The following VAMP1 variants were observed in gnomAD, a reference collection of about 807,000 sequenced individuals.
The protein encoded by VAMP1 is vesicle-associated membrane protein 1.
A neutral mutation model predicts 19.1 loss-of-function variants in VAMP1; 16 were observed. The ratio of observed to expected loss-of-function variants is 0.84; its 90% CI spans 0.57 to 1.27. VAMP1 has a LOEUF of 1.27. Among genes scored for constraint, VAMP1 ranks in the 50% most tolerant of loss-of-function variants. VAMP1 has a pLI of 0.00. For missense variants in VAMP1, 109 were observed against 145.4 expected, an observed-to-expected ratio of 0.75 and a Z score of 1.29; for synonymous variants, 37 against 50.2, an observed-to-expected ratio of 0.74 and a Z score of 1.11.
In VAMP1 at chr12:6,462,248, G is replaced by A. The variant is rs1949890407; in HGVS notation, c.*2222C>T. ...AACAACCAAGCCAGTTTAATGGTAG[G>A]AATTTGTATTTTTTGCCTTTGTTCA... is the stretch of plus-strand genomic sequence containing the variant. On this transcript the variant is annotated 3_prime_UTR_variant, in exon 5 of 5. Coordinates refer to ENST00000396308, the MANE Select transcript of VAMP1 (RefSeq NM_014231.5). 9.3e-7 allele frequency: 1 copy of A among 1,079,330 alleles called. No homozygotes were observed. Among genetic ancestry groups the A allele is most frequent in the Non-Finnish European group, 1.3e-6 (1 of 756,574 alleles). The allele number at this position is 1,079,330 out of a possible 1,614,324, so 66.9% of individuals were successfully genotyped here.
Position 6,463,073 on chromosome 12 carries a change from T to G in VAMP1, c.*1397A>C. The G allele has an allele frequency of 6.5e-7, 1 of 1,534,764 alleles. No homozygotes were observed. Among genetic ancestry groups the G allele is most frequent in the Admixed American group, 2.0e-5 (1 of 50,718 alleles). Reference sequence around the variant, plus strand: ...TGCACCTGGGCTTATCCCACATTAATAGCCCATCCTGAAGCTCAGCAATTG... The same window carrying G: ...TGCACCTGGGCTTATCCCACATTAAGAGCCCATCCTGAAGCTCAGCAATTG... On this transcript the variant is annotated 3_prime_UTR_variant, in exon 5 of 5. Coordinates refer to ENST00000396308, the MANE Select transcript of VAMP1 (RefSeq NM_014231.5). The surrounding 1 kb of genome is among the most constrained non-coding windows in gnomAD (Gnocchi z 4.0).
At position 6,463,117 on chromosome 12, in the gene VAMP1, C is replaced by G. The variant is rs1949923947; in HGVS notation, c.*1353G>C. ...GCAATTGCCCCGAAGATAGGCTGAGCAGATCCCATCCTCAGGTTCCACTGT... is the reference window on the plus strand; with the variant it reads ...GCAATTGCCCCGAAGATAGGCTGAGGAGATCCCATCCTCAGGTTCCACTGT... On this transcript the variant is annotated 3_prime_UTR_variant, in exon 5 of 5. Transcript: ENST00000396308. This position sits in a 1 kb window ranked among gnomAD's most constrained non-coding sequence, Gnocchi z 4.0. 6 of 1,498,902 alleles carry G rather than the reference C, an allele frequency of 4.0e-6. No homozygotes were observed. The Admixed American group carries it at 1.3e-4, about 32-fold the overall frequency. The allele number at this position is 1,498,902 out of a possible 1,614,324, so 92.9% of individuals were successfully genotyped here.
chr12:6,465,358 G>GTATATATATATAAATGTATATATATGTA (rs1949978079), intron 3 of VAMP1: 12 of 146,490 alleles, frequency 8.2e-5, no homozygotes, highest in African/African-American at 6.5e-4. Context: ...AAAGAAAAAA[G>GTATATATATATAAATGTATATATATGTA]TATATATATA....
Position 6,464,275 on chromosome 12 carries a change from A to G in VAMP1, c.*195T>C. On this transcript the variant is annotated 3_prime_UTR_variant, in exon 5 of 5. Coordinates refer to ENST00000396308, the MANE Select transcript of VAMP1 (RefSeq NM_014231.5). Reference sequence around the variant, plus strand: ...TGTTGCTCTTCGGGTAATGACTTAGATTGTGCCACGAGCAGCATTTCTAGT... The same window carrying G: ...TGTTGCTCTTCGGGTAATGACTTAGGTTGTGCCACGAGCAGCATTTCTAGT... 1 of 1,538,324 alleles carries G rather than the reference A, an allele frequency of 6.5e-7. No individual in the cohort carries two copies.
chr12:6,465,432 GTATATATA>G lies in VAMP1; in HGVS notation c.288+402_288+409del, dbSNP rs1240153746. On this transcript the variant is annotated intron_variant, in intron 3 of 4. Transcript: ENST00000396308. ...TATATATGTATATATATATATAAAT[GTATATATA>G]TGTATATATACATATGTGTATATAT... is the stretch of plus-strand genomic sequence containing the variant. 351 of 117,896 alleles carry G rather than the reference GTATATATA, an allele frequency of 3.0e-3. 17 individuals carry two copies. Among genetic ancestry groups the G allele is most frequent in the African/African-American group, 0.012 (333 of 26,754 alleles). 7.3% of individuals were successfully genotyped at this position (117,896 alleles called of 1,614,324 possible). A position where few individuals can be genotyped will look rare whatever the true frequency, so the allele number is the denominator to read the frequency against.
intron 3 of VAMP1, chr12:6,465,346 AAAAAG>A (rs1452761758): frequency 1.9e-5 from 6 of 322,746 alleles, no homozygotes; most frequent in African/African-American, 4.8e-5. Flanking sequence ...GATTTAAAAG[AAAAAG>A]AAAAAAGTAT....
In VAMP1 at chr12:6,464,638, C is replaced by T. The variant is rs1949957999; in HGVS notation, c.341-152G>A. On this transcript the variant is annotated intron_variant, in intron 4 of 4. Transcript: ENST00000396308. ...CTCCCTCCAACCCAAGCCAGTGACA[C>T]ACAGCATAGCCCCACTTCCTCAGAA... The T allele has an allele frequency of 2.7e-6, 4 of 1,457,030 alleles. No homozygotes were observed. The Admixed American group carries it at 1.1e-4, about 42-fold the overall frequency. The allele number at this position is 1,457,030 out of a possible 1,614,324, so 90.3% of individuals were successfully genotyped here. A position where few individuals can be genotyped will look rare whatever the true frequency, so the allele number is the denominator to read the frequency against.
chr12:6,463,406 C>T lies in VAMP1; in HGVS notation c.*1064G>A. 1 of 1,057,772 alleles carries T rather than the reference C, an allele frequency of 9.5e-7. No individual in the cohort carries two copies. Among genetic ancestry groups the T allele is most frequent in the Non-Finnish European group, 1.1e-6 (1 of 872,690 alleles). 65.5% of individuals were successfully genotyped at this position (1,057,772 alleles called of 1,614,324 possible). On this transcript the variant is annotated 3_prime_UTR_variant, in exon 5 of 5. Transcript: ENST00000396308. This position sits in a 1 kb window ranked among gnomAD's most constrained non-coding sequence, Gnocchi z 4.0. Reference sequence around the variant, plus strand: ...CCCCAGGAAGAACCACTTGCCTCATCCCTGTCTTTGGCAAGTGCACGGGTG... The same window carrying T: ...CCCCAGGAAGAACCACTTGCCTCATTCCTGTCTTTGGCAAGTGCACGGGTG...
At chr12:6,465,418 A>ATATATATAAATGTATATATATG (rs1949992986) in intron 3 of VAMP1, 1 of 111,340 alleles carries the variant, frequency 9.0e-6, no homozygotes, top group African/African-American at 3.8e-5. Context: ...ATATATGTAT[A>ATATATATAAATGTATATATATG]TATATATATA....
rs552867852 is a variant in VAMP1 at position 6,468,863 on chromosome 12, T to C, written c.2+1667A>G. On this transcript the variant is annotated intron_variant, in intron 1 of 4. Coordinates refer to ENST00000396308, the MANE Select transcript of VAMP1 (RefSeq NM_014231.5). ...GAGATCTCTCAAATTTGATGGAGAA[T>C]AGAAATTACAGTAAGAACTCCTCAA... is the stretch of plus-strand genomic sequence containing the variant. Among the ~76,000 whole-genome samples the C allele has an allele frequency of 1.1e-4, 16 of 152,196 alleles. No individual in the cohort carries two copies. In the East Asian group the frequency reaches 2.9e-3, roughly 28 times the overall value.
Position 6,463,188 on chromosome 12 carries a change from A to G in VAMP1, c.*1282T>C, listed in dbSNP as rs770179957. Reference sequence around the variant, plus strand: ...AAGAGGAGGAAGAGAAAGGAGGCAAAGTAGAATTCAGACAGGAAAGGGTGG... The same window carrying G: ...AAGAGGAGGAAGAGAAAGGAGGCAAGGTAGAATTCAGACAGGAAAGGGTGG... On this transcript the variant is annotated 3_prime_UTR_variant, in exon 5 of 5. Transcript: ENST00000396308. The surrounding 1 kb of genome is among the most constrained non-coding windows in gnomAD (Gnocchi z 4.0). The G allele has an allele frequency of 1.4e-6, 2 of 1,438,548 alleles. No individual in the cohort carries two copies. Among genetic ancestry groups the G allele is most frequent in the Non-Finnish European group, 1.8e-6 (2 of 1,100,924 alleles). 89.1% of individuals were successfully genotyped at this position (1,438,548 alleles called of 1,614,324 possible).
Position 6,464,174 on chromosome 12 carries a change from C to T in VAMP1, c.*296G>A, listed in dbSNP as rs71584834. ...TCAGCCACTCCCCTCCCTGCCCCTT[C>T]CCTTGGCCTCCAACTCTTTGGGGCT... On this transcript the variant is annotated 3_prime_UTR_variant, in exon 5 of 5. Coordinates refer to ENST00000396308, the MANE Select transcript of VAMP1 (RefSeq NM_014231.5). The T allele has an allele frequency of 5.1e-3, 7,411 of 1,446,948 alleles. 36 individuals are homozygous for T. The highest frequency in any genetic ancestry group is 0.011 in the South Asian group (936 of 82,416). The allele number at this position is 1,446,948 out of a possible 1,614,324, so 89.6% of individuals were successfully genotyped here.
intron 4 of VAMP1, 23 bp downstream of exon 4, chr12:6,464,867 C>G (rs1428658709): frequency 5.0e-6 from 8 of 1,613,982 alleles, no homozygotes; most frequent in Non-Finnish European, 6.8e-6. Flanking sequence ...CTTCACCCCA[C>G]CAGCAACTTC....
chr12:6,463,599 ATAAC>A lies in VAMP1; in HGVS notation c.*867_*870del, dbSNP rs542768848. The A allele has an allele frequency of 1.1e-4, 120 of 1,077,992 alleles. No homozygotes were observed. The African/African-American group carries it at 1.8e-3, about 16-fold the overall frequency. The allele number at this position is 1,077,992 out of a possible 1,614,324, so 66.8% of individuals were successfully genotyped here. On this transcript the variant is annotated 3_prime_UTR_variant, in exon 5 of 5. Transcript: ENST00000396308. This position sits in a 1 kb window ranked among gnomAD's most constrained non-coding sequence, Gnocchi z 4.0. The stretch of plus-strand genomic sequence containing the variant: ...TAAGCACTTGACTCACTGTTTCTCT[ATAAC>A]TAACAGGCAATCTCTCTCTTTATGC...
At position 6,463,989 on chromosome 12, in the gene VAMP1, G is replaced by A. The variant is rs1949941888; in HGVS notation, c.*481C>T. 7.7e-7 allele frequency: 1 copy of A among 1,291,314 alleles called. No individual in the cohort carries two copies. Among genetic ancestry groups the A allele is most frequent in the Non-Finnish European group, 1.0e-6 (1 of 990,220 alleles). 80.0% of individuals were successfully genotyped at this position (1,291,314 alleles called of 1,614,324 possible). A position where few individuals can be genotyped will look rare whatever the true frequency, so the allele number is the denominator to read the frequency against. The stretch of plus-strand genomic sequence containing the variant: ...ACCCCCAGGACCCTCTTCAGGCCTG[G>A]TCCAGGAAGGAAAGCTCCACATGAC... On this transcript the variant is annotated 3_prime_UTR_variant, in exon 5 of 5. Transcript: ENST00000396308. The surrounding 1 kb of genome is among the most constrained non-coding windows in gnomAD (Gnocchi z 4.0).
chr12:6,470,507 C>A, intron 1 of VAMP1, 23 bp downstream of exon 1: 1 of 1,613,906 alleles, frequency 6.2e-7, no homozygotes, highest in Non-Finnish European at 8.5e-7. Flanking sequence ...AGGTGCCGAG[C>A]CCCCACACCA....
At chr12:6,467,554 A>G (rs1330960552) in intron 1 of VAMP1, among the ~76,000 whole-genome samples, 10 of 152,184 alleles carry the variant, frequency 6.6e-5, no homozygotes, top group Non-Finnish European at 2.9e-5. Flanking sequence ...AGAAGAAAAG[A>G]CGCAGTACTA....
chr12:6,466,095 T>C, intron 2 of VAMP1, 95 bp from the exon 3 acceptor site: 1 of 1,610,792 alleles, frequency 6.2e-7, no homozygotes. Flanking sequence ...CCTGTGCAAC[T>C]CTAAAGGGTG....
rs1949922430 is a variant in VAMP1, at chr12:6,463,067, C to T, written c.*1403G>A. The T allele has an allele frequency of 1.3e-6, 2 of 1,536,634 alleles. No individual in the cohort carries two copies. Among genetic ancestry groups the T allele is most frequent in the African/African-American group, 1.4e-5 (1 of 73,072 alleles). On this transcript the variant is annotated 3_prime_UTR_variant, in exon 5 of 5. Coordinates refer to ENST00000396308, the MANE Select transcript of VAMP1 (RefSeq NM_014231.5). The surrounding 1 kb of genome is among the most constrained non-coding windows in gnomAD (Gnocchi z 4.0). ...TCCCCTTGCACCTGGGCTTATCCCA[C>T]ATTAATAGCCCATCCTGAAGCTCAG...
Sources: allele counts gnomAD v4.1 joint callset (sites outside exome capture counted in the v4.1 genomes callset), GRCh38; gene constraint gnomAD v4.1.1; non-coding constraint Gnocchi (gnomAD v3.1); transcripts MANE v1.5; gene names NCBI Gene and HGNC (gene_info 2026-07-23, HGNC 2026-07-21).